STK32B: variants seen among roughly 807,000 people sequenced by gnomAD.
STK32B encodes the protein serine/threonine-protein kinase 32B.
A neutral mutation model predicts 52.6 loss-of-function variants in STK32B; 43 were observed. The observed-to-expected ratio is 0.82, with a 90% CI of 0.64 to 1.05. The LOEUF (loss-of-function observed/expected upper bound fraction) is 1.05. Among genes scored for constraint, STK32B ranks in the 50% least tolerant of loss-of-function variants. The pLI is 0.00. For missense variants in STK32B, 621 were observed against 534.6 expected (o/e 1.16, Z -1.59); for synonymous variants, 238 against 204.3 (o/e 1.17, Z -1.41).
intron 3 of STK32B, among the ~76,000 whole-genome samples, chr4:5,309,467 C>T (rs28820605): frequency 0.13 from 19,446 of 152,104 alleles, 2,696 homozygotes; most frequent in African/African-American, 0.35. Context: ...GGAGGTATCA[C>T]ACTACCAGAC....
intron 3 of STK32B, among the ~76,000 whole-genome samples, chr4:5,170,338 T>C (rs1471667265): frequency 4.6e-5 from 7 of 152,320 alleles, no homozygotes; most frequent in East Asian, 1.9e-4. Flanking sequence ...CTTTAAGTTT[T>C]AGGGTACATG....
At chr4:5,278,597 G>C (rs576228793) in intron 3 of STK32B, among the ~76,000 whole-genome samples, 1 of 152,186 alleles carries the variant, frequency 6.6e-6, no homozygotes, top group African/African-American at 2.4e-5. Context: ...TTGCGAATTT[G>C]AAAACCTAGG....
intron 1 of STK32B, among the ~76,000 whole-genome samples, chr4:5,095,040 G>A (rs989546562): frequency 4.6e-5 from 7 of 152,214 alleles, no homozygotes; most frequent in African/African-American, 7.2e-5. Flanking sequence ...GGTGAGTGAC[G>A]TAAGGTGGTG....
intron 4 of STK32B, among the ~76,000 whole-genome samples, chr4:5,367,949 G>A (rs1734983093): frequency 6.6e-6 from 1 of 152,060 alleles, no homozygotes; most frequent in South Asian, 2.1e-4. Context: ...GTGGGGAGGG[G>A]GCTTCACTGC....
intron 3 of STK32B, among the ~76,000 whole-genome samples, chr4:5,205,703 CGTGT>C (rs71169688): frequency 0.084 from 11,842 of 140,926 alleles, 578 homozygotes; most frequent in Non-Finnish European, 0.11. Flanking sequence ...GGCGCGCGCG[CGTGT>C]GTGTGTGTGT....
intron 3 of STK32B, among the ~76,000 whole-genome samples, chr4:5,246,228 G>T (rs1208249503): frequency 1.3e-5 from 2 of 152,152 alleles, no homozygotes; most frequent in Non-Finnish European, 2.9e-5. Flanking sequence ...CGTAGATTTG[G>T]TCTTTTCACA....
chr4:5,391,382 G>A (rs1293294043), intron 4 of STK32B, among the ~76,000 whole-genome samples: 1 of 152,094 alleles, frequency 6.6e-6, no homozygotes, highest in Non-Finnish European at 1.5e-5. Flanking sequence ...CAGTTTTCTG[G>A]CAAAGACGCT....
In STK32B at chr4:5,398,308, T is replaced by C. The variant is rs1037363458; in HGVS notation, c.472+64T>C. On this transcript the variant is annotated intron_variant, in intron 5 of 11. Transcript: ENST00000282908. The surrounding 1 kb of genome is among the most constrained non-coding windows in gnomAD (Gnocchi z 4.9). ...GAAAGTTTGAGGCACTGGGAAATAGTGCGGGGGTGGGGGTTGGGTCTTGCT... is the reference window on the plus strand; with the variant it reads ...GAAAGTTTGAGGCACTGGGAAATAGCGCGGGGGTGGGGGTTGGGTCTTGCT... 6.3e-7 allele frequency: 1 copy of C among 1,581,466 alleles called. No individual in the cohort carries two copies. The highest frequency in any genetic ancestry group is 8.7e-7 in the Non-Finnish European group (1 of 1,153,624).
chr4:5,162,643 G>A (rs1035753869), intron 2 of STK32B, among the ~76,000 whole-genome samples: 3 of 152,322 alleles, frequency 2.0e-5, no homozygotes, highest in Middle Eastern at 3.4e-3. Context: ...GACTAATGAG[G>A]AATGTTAATT....
intron 3 of STK32B, 86 bp downstream of exon 3, chr4:5,168,536 C>G: frequency 7.0e-7 from 1 of 1,429,664 alleles, no homozygotes; most frequent in East Asian, 2.4e-5. Flanking sequence ...GACTCTTCCG[C>G]ATTGTAAAGG....
intron 6 of STK32B, among the ~76,000 whole-genome samples, chr4:5,437,119 C>T (rs1278597224): frequency 1.3e-5 from 2 of 152,238 alleles, no homozygotes; most frequent in African/African-American, 4.8e-5. Context: ...TTGCCCAGTA[C>T]ACGGGAAAGG....
intron 3 of STK32B, among the ~76,000 whole-genome samples, chr4:5,206,712 TG>T (rs1256177163): frequency 6.6e-6 from 1 of 152,142 alleles, no homozygotes; most frequent in Non-Finnish European, 1.5e-5. Context: ...AACCCAGATC[TG>T]TTTCTGCTGA....
intron 1 of STK32B, among the ~76,000 whole-genome samples, chr4:5,065,747 A>G (rs1051479710): frequency 2.6e-5 from 4 of 152,176 alleles, no homozygotes; most frequent in African/African-American, 9.7e-5. Flanking sequence ...GTTTTGAGAC[A>G]GAGTCTTGCT....
chr4:5,375,924 A>G (rs555817925), intron 4 of STK32B, among the ~76,000 whole-genome samples: 68 of 152,198 alleles, frequency 4.5e-4, no homozygotes, highest in Non-Finnish European at 8.8e-4. Flanking sequence ...CTCACAGTTC[A>G]GACCTTGGCT....
At chr4:5,252,900 CT>C (rs1394674348) in intron 3 of STK32B, among the ~76,000 whole-genome samples, 1 of 152,062 alleles carries the variant, frequency 6.6e-6, no homozygotes, top group Non-Finnish European at 1.5e-5. Context: ...GCGAGATTCT[CT>C]CCCCTTGTCT....
intron 3 of STK32B, among the ~76,000 whole-genome samples, chr4:5,201,500 T>G (rs1280957760): frequency 3.3e-5 from 5 of 152,178 alleles, no homozygotes; most frequent in African/African-American, 9.7e-5. Flanking sequence ...CCCCAGCTAA[T>G]TGTATCCCAC....
chr4:5,472,522 A>G (rs1418474683), intron 11 of STK32B, among the ~76,000 whole-genome samples: 1 of 152,194 alleles, frequency 6.6e-6, no homozygotes, highest in Non-Finnish European at 1.5e-5. Flanking sequence ...GGGTTGAGAA[A>G]TGCACCAGGG....
chr4:5,054,646 T>C (rs912887681), intron 1 of STK32B, among the ~76,000 whole-genome samples: 3 of 152,148 alleles, frequency 2.0e-5, no homozygotes, highest in Non-Finnish European at 2.9e-5. Flanking sequence ...CTTGATCTTA[T>C]AGGCATTTTG....
chr4:5,356,249 AC>A (rs1030413641), intron 4 of STK32B, among the ~76,000 whole-genome samples: 2 of 151,848 alleles, frequency 1.3e-5, no homozygotes, highest in African/African-American at 4.8e-5. Flanking sequence ...TCCTCACATG[AC>A]CCCATCCTCC....
Sources: gnomAD v4.1 joint callset for allele counts (sites outside exome capture counted in the v4.1 genomes callset) on GRCh38, gnomAD v4.1.1 for gene constraint, Gnocchi (gnomAD v3.1) non-coding constraint, MANE v1.5 for transcripts, NCBI Gene and HGNC (gene_info 2026-07-23, HGNC 2026-07-21) for gene names.